Variants in CCDC7 observed in about 807,000 individuals in gnomAD.
CCDC7 encodes the protein coiled-coil domain-containing protein 7.
Under a neutral mutation model 196.9 loss-of-function variants are expected in CCDC7, and 183 were observed. That is an observed-to-expected ratio of 0.93 (90% CI 0.82 to 1.05). The LOEUF (loss-of-function observed/expected upper bound fraction) is 1.05, where lower values mean the gene tolerates loss of function less well. CCDC7 is among the 50% of genes least tolerant of loss of function. CCDC7 has a pLI of 0.00. For missense variants in CCDC7, 1,540 were observed against 1,482.2 expected (o/e 1.04, Z -0.64); for synonymous variants, 525 against 484.6 (o/e 1.08, Z -1.10).
chr10:32,880,138 CA>C (rs2094736071), downstream of CCDC7, among the ~76,000 whole-genome samples: 2 of 152,254 alleles, frequency 1.3e-5, no homozygotes, highest in South Asian at 4.2e-4. Context: ...CTGTCTTCCA[CA>C]ATGGTTGAAC....
intron 32 of CCDC7, among the ~76,000 whole-genome samples, chr10:32,831,916 TATC>T (rs1565646506): frequency 6.6e-6 from 1 of 152,218 alleles, no homozygotes; most frequent in Non-Finnish European, 1.5e-5. Flanking sequence ...TTTTTATTAT[TATC>T]ATCAAGTGTT....
chr10:32,876,233 A>T (rs1044037346), intron 41 of CCDC7, 114 bp from the exon 43 acceptor site: 7 of 745,614 alleles, frequency 9.4e-6, no homozygotes, highest in South Asian at 9.3e-5. Flanking sequence ...TTCCATTTTC[A>T]TTGTTTATAT....
intron 20 of CCDC7, among the ~76,000 whole-genome samples, chr10:32,640,420 T>A (rs2066525814): frequency 6.6e-6 from 1 of 152,214 alleles, no homozygotes; most frequent in Non-Finnish European, 1.5e-5. Flanking sequence ...GTGAGATGGG[T>A]GTCCTGAATA....
At chr10:32,571,733 T>G in intron 15 of CCDC7, 126 bp from the exon 17 acceptor site, 3 of 845,274 alleles carry the variant, frequency 3.5e-6, no homozygotes, top group Non-Finnish European at 4.9e-6. Context: ...TCTTTGCTTT[T>G]TTGATACCTT....
At chr10:32,642,068 G>T (rs924980293) in intron 20 of CCDC7, among the ~76,000 whole-genome samples, 5 of 152,194 alleles carry the variant, frequency 3.3e-5, no homozygotes, top group Admixed American at 3.3e-4. Context: ...CCCTACTGGG[G>T]GGTGCCTCCC....
At chr10:32,537,390 G>T (rs969461814) in intron 11 of CCDC7, among the ~76,000 whole-genome samples, 2 of 152,068 alleles carry the variant, frequency 1.3e-5, no homozygotes, top group African/African-American at 4.8e-5. Flanking sequence ...ATAGATTCTG[G>T]ATATAACACC....
At chr10:32,486,859 C>T (rs1041783769) in intron 8 of CCDC7, among the ~76,000 whole-genome samples, 1 of 151,852 alleles carries the variant, frequency 6.6e-6, no homozygotes, top group Non-Finnish European at 1.5e-5. Flanking sequence ...GCCGAGAGAT[C>T]AGCTGTTAGT....
chr10:32,760,532 G>A (rs1186953562), intron 28 of CCDC7, among the ~76,000 whole-genome samples: 4 of 152,064 alleles, frequency 2.6e-5, no homozygotes, highest in Non-Finnish European at 5.9e-5. Context: ...ACTCATAGGT[G>A]GGAATTGAAC....
At chr10:32,874,072 T>G (rs983735530) in intron 41 of CCDC7, among the ~76,000 whole-genome samples, 1 of 151,226 alleles carries the variant, frequency 6.6e-6, no homozygotes, top group Admixed American at 6.6e-5. Flanking sequence ...GTCTCAAGCA[T>G]TTTGTATAAC....
In CCDC7 at chr10:32,537,819, T is replaced by TTCTG. The variant is rs1281659194; in HGVS notation, c.994-5480_994-5477dup. 2.0e-5 allele frequency among the ~76,000 whole-genome samples: 3 copies of TTCTG among 152,294 alleles called. No individual in the cohort carries two copies. The East Asian group carries it at 5.8e-4, about 29-fold the overall frequency. Reference sequence around the variant, plus strand: ...GATAGTTTTAGGTGTGCAGCCTTATTTCTGGCTTCTCTATTCTGTTCCATT... The same window carrying TTCTG: ...GATAGTTTTAGGTGTGCAGCCTTATTTCTGTCTGGCTTCTCTATTCTGTTCCATT... On this transcript the variant is annotated intron_variant, in intron 11 of 41. Transcript: ENST00000639629.
At chr10:32,596,591 T>G (rs1391752546) in intron 18 of CCDC7, among the ~76,000 whole-genome samples, 1 of 152,212 alleles carries the variant, frequency 6.6e-6, no homozygotes, top group East Asian at 1.9e-4. Context: ...TAGCTGGTTA[T>G]TTTGCTCATT....
At chr10:32,730,863 AAT>A (rs1361648501) in intron 28 of CCDC7, among the ~76,000 whole-genome samples, 2 of 152,024 alleles carry the variant, frequency 1.3e-5, no homozygotes, top group Non-Finnish European at 2.9e-5. Flanking sequence ...ATATGGAAAT[AAT>A]ATTATTAAAT....
intron 28 of CCDC7, among the ~76,000 whole-genome samples, chr10:32,761,290 A>C (rs375885846): frequency 5.9e-5 from 9 of 151,964 alleles, no homozygotes; most frequent in East Asian, 5.8e-4. Context: ...TGCAGCTACT[A>C]ATAAAGGAAT....
At chr10:32,828,439 G>GAGAAGAAGAAGAAGAAGAAGAAGA (rs71030014) in intron 32 of CCDC7, among the ~76,000 whole-genome samples, 3 of 56,852 alleles carry the variant, frequency 5.3e-5, no homozygotes, top group African/African-American at 1.3e-4. Context: ...AGGAAGGAAG[G>GAGAAGAAGAAGAAGAAGAAGAAGA]AGAAGAAGAA....
intron 23 of CCDC7, among the ~76,000 whole-genome samples, chr10:32,691,828 C>T (rs2077123868): frequency 6.6e-6 from 1 of 152,138 alleles, no homozygotes; most frequent in Non-Finnish European, 1.5e-5. Context: ...AACATGTTTT[C>T]CAGTAGCAGG....
chr10:32,595,872 C>A (rs890763216), intron 18 of CCDC7, among the ~76,000 whole-genome samples: 4 of 152,166 alleles, frequency 2.6e-5, no homozygotes, highest in African/African-American at 9.7e-5. Flanking sequence ...TTGCTTAATC[C>A]TGAGTTCTAT....
chr10:32,492,727 C>A (rs182831632), intron 9 of CCDC7, among the ~76,000 whole-genome samples: 1 of 152,098 alleles, frequency 6.6e-6, no homozygotes, highest in East Asian at 1.9e-4. Context: ...CACAAAGCTT[C>A]AGTTTTACAT....
intron 33 of CCDC7, among the ~76,000 whole-genome samples, chr10:32,836,891 A>C (rs1288798051): frequency 6.6e-6 from 1 of 152,134 alleles, no homozygotes; most frequent in Non-Finnish European, 1.5e-5. Context: ...CTGAAACTGG[A>C]TCCCTTCCTT....
chr10:32,828,495 G>GAAGAAGAAGAAGA (rs2091660737), intron 32 of CCDC7, among the ~76,000 whole-genome samples: 1 of 94,774 alleles, frequency 1.1e-5, no homozygotes, highest in African/African-American at 4.3e-5. Flanking sequence ...GGAAGAAGAA[G>GAAGAAGAAGAAGA]AAGAAGAAGA....
Sources: gnomAD v4.1 joint callset for allele counts (sites outside exome capture counted in the v4.1 genomes callset) on GRCh38, gnomAD v4.1.1 for gene constraint, MANE v1.5 for transcripts, NCBI Gene and HGNC (gene_info 2026-07-23, HGNC 2026-07-21) for gene names.